Variants in SDK1 observed in about 807,000 individuals in gnomAD.
SDK1 encodes the protein protein sidekick-1.
Under a neutral mutation model 245.5 loss-of-function variants are expected in SDK1, and 157 were observed. That is an observed-to-expected ratio of 0.64 (90% CI 0.56 to 0.73). The LOEUF (loss-of-function observed/expected upper bound fraction) is 0.73. SDK1 is among the 30% of genes least tolerant of loss of function. SDK1 has a pLI of 0.00. For synonymous variants in SDK1, 1,647 were observed against 1,278.5 expected (o/e 1.29, Z -6.15); for missense variants, 3,583 against 3,002.3 (o/e 1.19, Z -4.52).
intron 1 of SDK1, among the ~76,000 whole-genome samples, chr7:3,339,624 T>A (rs73290068): frequency 0.01 from 1,500 of 149,862 alleles, 30 homozygotes; most frequent in African/African-American, 0.035. Flanking sequence ...ACAGGAAAAT[T>A]TCTAAATAAC....
At chr7:3,686,203 G>A (rs1363138623) in intron 4 of SDK1, among the ~76,000 whole-genome samples, 3 of 152,162 alleles carry the variant, frequency 2.0e-5, no homozygotes, top group Non-Finnish European at 4.4e-5. Flanking sequence ...AGCCTCCCGA[G>A]TAGCTGGGAT....
chr7:3,362,839 A>C (rs1274772369), intron 1 of SDK1, among the ~76,000 whole-genome samples: 8 of 152,226 alleles, frequency 5.3e-5, no homozygotes, highest in African/African-American at 1.9e-4. Context: ...ACTTCTGAGA[A>C]AACCTTGGAT....
chr7:4,029,511 G>C (rs749300138), intron 17 of SDK1, among the ~76,000 whole-genome samples: 1 of 149,798 alleles, frequency 6.7e-6, no homozygotes, highest in Non-Finnish European at 1.5e-5. Flanking sequence ...ATGCCCTGCC[G>C]ATTTTCTTTC....
intron 4 of SDK1, among the ~76,000 whole-genome samples, chr7:3,800,098 G>C (rs1173181544): frequency 2.0e-5 from 3 of 152,070 alleles, no homozygotes; most frequent in Non-Finnish European, 4.4e-5. Context: ...TTGGCTCTCA[G>C]TCTCCAACGT....
chr7:3,709,610 A>C (rs1249556234), intron 4 of SDK1, among the ~76,000 whole-genome samples: 1 of 152,184 alleles, frequency 6.6e-6, no homozygotes, highest in African/African-American at 2.4e-5. Flanking sequence ...TGTTTCTTGG[A>C]AGAAAGTTAA....
chr7:3,575,933 G>T (rs1415912679), intron 1 of SDK1, among the ~76,000 whole-genome samples: 2 of 152,084 alleles, frequency 1.3e-5, no homozygotes, highest in South Asian at 2.1e-4. Context: ...TTTCATCTCT[G>T]TTCTGTTCTT....
At chr7:3,570,726 G>A (rs1043934354) in intron 1 of SDK1, among the ~76,000 whole-genome samples, 3 of 152,210 alleles carry the variant, frequency 2.0e-5, no homozygotes, top group African/African-American at 7.2e-5. Context: ...CGAGGCCTGT[G>A]AGAGTCGGTG....
At chr7:3,381,477 C>A (rs1054967105) in intron 1 of SDK1, among the ~76,000 whole-genome samples, 1 of 151,634 alleles carries the variant, frequency 6.6e-6, no homozygotes, top group African/African-American at 2.4e-5. Context: ...ATGCCAACTA[C>A]GCAGGACAGA....
At chr7:4,149,919 T>C (rs931001884) in intron 30 of SDK1, among the ~76,000 whole-genome samples, 1 of 152,122 alleles carries the variant, frequency 6.6e-6, no homozygotes. Flanking sequence ...CCACGAGTAC[T>C]GTGCTTCCTT....
At chr7:4,051,952 T>A in intron 19 of SDK1, 122 bp downstream of exon 19, 1 of 823,520 alleles carries the variant, frequency 1.2e-6, no homozygotes, top group Non-Finnish European at 1.9e-6. Flanking sequence ...TTTGGAGTGC[T>A]TGCAGTCAGC....
chr7:4,224,533 C>T (rs1270978566), intron 40 of SDK1, among the ~76,000 whole-genome samples: 1 of 152,148 alleles, frequency 6.6e-6, no homozygotes, highest in African/African-American at 2.4e-5. Flanking sequence ...CCACCAGGCC[C>T]CTCCCCCAAC....
At chr7:3,468,431 A>G (rs948915986) in intron 1 of SDK1, among the ~76,000 whole-genome samples, 1 of 152,140 alleles carries the variant, frequency 6.6e-6, no homozygotes, top group South Asian at 2.1e-4. Flanking sequence ...TACCCATAGA[A>G]ACTAGAATTT....
At position 3,610,030 on chromosome 7, in the gene SDK1, A is replaced by C. The variant is rs1781542002; in HGVS notation, c.299-9050A>C. Among the ~76,000 whole-genome samples, 3 of 152,174 alleles carry C rather than the reference A, an allele frequency of 2.0e-5. No individual in the cohort carries two copies. The South Asian group carries it at 6.2e-4, about 31-fold the overall frequency. On this transcript the variant is annotated intron_variant, in intron 1 of 44. Transcript: ENST00000404826. ...GCTGGGATTTGAACCCAGGGCTCCA[A>C]AGTACTTGCTCTAAACTCAAATCAC...
intron 5 of SDK1, among the ~76,000 whole-genome samples, chr7:3,829,455 C>T (rs1779860616): frequency 6.6e-6 from 1 of 152,160 alleles, no homozygotes; most frequent in Non-Finnish European, 1.5e-5. Flanking sequence ...TAACAATCAA[C>T]TCTGTTTCAA....
At chr7:4,212,557 G>T (rs1242255977) in intron 38 of SDK1, among the ~76,000 whole-genome samples, 1 of 152,238 alleles carries the variant, frequency 6.6e-6, no homozygotes, top group Non-Finnish European at 1.5e-5. Flanking sequence ...GGGCGGCCAG[G>T]ATCTGTTGTG....
At chr7:3,422,760 G>C (rs1449541366) in intron 1 of SDK1, among the ~76,000 whole-genome samples, 1 of 152,186 alleles carries the variant, frequency 6.6e-6, no homozygotes, top group East Asian at 1.9e-4. Flanking sequence ...AAAAGCAGGA[G>C]TACTTAGGAT....
chr7:3,871,541 T>G (rs1163016160), intron 5 of SDK1, among the ~76,000 whole-genome samples: 2 of 152,240 alleles, frequency 1.3e-5, no homozygotes, highest in African/African-American at 4.8e-5. Flanking sequence ...CTGTAGGCTG[T>G]GCAGGAAGCA....
At position 3,574,319 on chromosome 7, in the gene SDK1, T is replaced by A. The variant is rs943917039; in HGVS notation, c.299-44761T>A. On this transcript the variant is annotated intron_variant, in intron 1 of 44. Transcript: ENST00000404826. Reference sequence around the variant, plus strand: ...TTTTAGTAGAGACAGGGTTTCACCATGTTGGCCAGGCTGGTTTCGAACTCC... The same window carrying A: ...TTTTAGTAGAGACAGGGTTTCACCAAGTTGGCCAGGCTGGTTTCGAACTCC... Among the ~76,000 whole-genome samples, 4 of 152,088 alleles carry A rather than the reference T, an allele frequency of 2.6e-5. No individual in the cohort carries two copies. The South Asian group carries it at 6.2e-4, about 24-fold the overall frequency.
At chr7:3,829,957 A>T (rs1562475653) in intron 5 of SDK1, among the ~76,000 whole-genome samples, 1 of 152,124 alleles carries the variant, frequency 6.6e-6, no homozygotes, top group Non-Finnish European at 1.5e-5. Flanking sequence ...AGTGCTTACT[A>T]ATGGAGCATC....
Sources: gnomAD v4.1 joint callset for allele counts (sites outside exome capture counted in the v4.1 genomes callset) on GRCh38, gnomAD v4.1.1 for gene constraint, MANE v1.5 for transcripts, NCBI Gene and HGNC (gene_info 2026-07-23, HGNC 2026-07-21) for gene names.